Variants in SNX25 observed in about 807,000 individuals in gnomAD.
SNX25 encodes sorting nexin-25.
In SNX25, 62 loss-of-function variants were observed where a neutral mutation model predicts 113.7. That is an observed-to-expected ratio of 0.55 (90% CI 0.44 to 0.67). SNX25 has a LOEUF of 0.67. SNX25 is among the 30% of genes least tolerant of loss of function. SNX25 has a pLI of 0.00. For synonymous variants in SNX25, 421 were observed against 436.2 expected (o/e 0.97, Z 0.43); for missense variants, 1,014 against 1,161.0 (o/e 0.87, Z 1.84).
chr4:185,227,266 A>G (rs762029429), intron 1 of SNX25, among the ~76,000 whole-genome samples: 8 of 152,194 alleles, frequency 5.3e-5, no homozygotes, highest in Admixed American at 2.6e-4. Flanking sequence ...CCAGTCATTT[A>G]TCTTTCTTGT....
In SNX25 at chr4:185,210,838, C is replaced by G. The variant is rs2111466010; in HGVS notation, c.429+583C>G. On this transcript the variant is annotated intron_variant, in intron 1 of 18. Transcript: ENST00000652585. The surrounding 1 kb of genome is among the most constrained non-coding windows in gnomAD (Gnocchi z 4.4). ...CTTCTGTGATTTGGAAGGGGGATGCCAGAAATCACTGGTTTGCAACAAAAG... is the reference window on the plus strand; with the variant it reads ...CTTCTGTGATTTGGAAGGGGGATGCGAGAAATCACTGGTTTGCAACAAAAG... Among the ~76,000 whole-genome samples, 1 of 152,116 alleles carries G rather than the reference C, an allele frequency of 6.6e-6. No individual in the cohort carries two copies. The highest frequency in any genetic ancestry group is 2.1e-4 in the South Asian group (1 of 4,812).
chr4:185,292,388 GTTTA>G (rs1164870009), intron 6 of SNX25, among the ~76,000 whole-genome samples: 6 of 152,078 alleles, frequency 3.9e-5, no homozygotes, highest in African/African-American at 7.2e-5. Context: ...GAGGACAGGA[GTTTA>G]TTTGTTTGTT....
intron 6 of SNX25, among the ~76,000 whole-genome samples, chr4:185,297,587 C>T (rs963026452): frequency 6.6e-6 from 1 of 152,184 alleles, no homozygotes; most frequent in Non-Finnish European, 1.5e-5. Context: ...CACAAAATGC[C>T]ACAGACTGGG....
intron 1 of SNX25, among the ~76,000 whole-genome samples, chr4:185,214,967 A>G (rs1024600375): frequency 1.3e-5 from 2 of 152,196 alleles, no homozygotes; most frequent in Non-Finnish European, 2.9e-5. Context: ...GCGGTGTCTC[A>G]CGCCTGTAAT....
rs531965964 is a variant in SNX25 at position 185,351,641 on chromosome 4, A to G, written c.2466+32A>G. On this transcript the variant is annotated intron_variant, in intron 14 of 18. Transcript: ENST00000652585. Reference sequence around the variant, plus strand: ...CGTTGAAAGAGTGAACCACTTTTGTAGTGTATTTCAGCAGATACTAAGCTC... The same window carrying G: ...CGTTGAAAGAGTGAACCACTTTTGTGGTGTATTTCAGCAGATACTAAGCTC... 4 of 1,605,248 alleles carry G rather than the reference A, an allele frequency of 2.5e-6. No homozygotes were observed. The South Asian group carries it at 4.5e-5, about 18-fold the overall frequency.
chr4:185,312,149 A>G (rs894583216), intron 7 of SNX25, among the ~76,000 whole-genome samples: 2 of 152,096 alleles, frequency 1.3e-5, no homozygotes, highest in Admixed American at 6.6e-5. Flanking sequence ...TCTTTGTCTT[A>G]TGTCCCATTC....
chr4:185,314,209 G>A (rs994077225), intron 7 of SNX25, among the ~76,000 whole-genome samples: 2 of 151,630 alleles, frequency 1.3e-5, no homozygotes, highest in East Asian at 3.9e-4. Flanking sequence ...CTATAAATTG[G>A]CCCAGTGAGG....
At chr4:185,260,830 T>C (rs1747198969) in intron 3 of SNX25, among the ~76,000 whole-genome samples, 1 of 152,150 alleles carries the variant, frequency 6.6e-6, no homozygotes, top group Admixed American at 6.6e-5. Context: ...GAAAGTAACT[T>C]CCAGTAAGCA....
intron 2 of SNX25, among the ~76,000 whole-genome samples, chr4:185,257,861 A>G (rs1334951401): frequency 6.6e-6 from 1 of 152,228 alleles, no homozygotes; most frequent in Admixed American, 6.5e-5. Context: ...ACAGGGGCTG[A>G]GCCTAGTGTG....
chr4:185,372,938 C>T (rs150155937), downstream of SNX25: 34 of 1,613,912 alleles, frequency 2.1e-5, no homozygotes, highest in East Asian at 2.7e-4. Flanking sequence ...TAGACGTTTC[C>T]GCGTTCTGCT....
In SNX25 at chr4:185,323,563, G is replaced by C. The variant is rs1244515950; in HGVS notation, c.1512G>C (p.Gln504His). 1 of 1,611,640 alleles carries C rather than the reference G, an allele frequency of 6.2e-7. No homozygotes were observed. The highest frequency in any genetic ancestry group is 1.3e-5 in the African/African-American group (1 of 74,880). The part of the protein sequence containing the change: ...EIPQLVGEIY[Q>H]NFFVESKEIS... ...CACAATTAGTTGGTGAAATTTATCA[G>C]AATTTCTTTGTGGAGAGCAAAGAAA... Residue 504 changes from glutamine (Q) to histidine (H), a missense_variant, in exon 9 of 19, where the codon CAG (glutamine) becomes CAC (histidine). By Grantham distance (24) the Gln-to-His change is conservative. Coordinates refer to ENST00000652585, the MANE Select transcript of SNX25 (RefSeq NM_001378034.2).
intron 14 of SNX25, 121 bp from the exon 15 acceptor site, chr4:185,353,364 C>T (rs1052871764): frequency 1.4e-6 from 1 of 706,132 alleles, no homozygotes; most frequent in Admixed American, 2.5e-5. Context: ...TGCATGAAAA[C>T]TAAAGAATTA....
rs529805431 is a variant in SNX25 at position 185,363,655 on chromosome 4, T to G, written c.*190T>G. ...GCTGTGGTAGGCAACAGAAAAAAAC[T>G]TCTATTGATTTTAATTTAATATGAA... On this transcript the variant is annotated 3_prime_UTR_variant, in exon 19 of 19. Coordinates refer to ENST00000652585, the MANE Select transcript of SNX25 (RefSeq NM_001378034.2). The surrounding 1 kb of genome is among the most constrained non-coding windows in gnomAD (Gnocchi z 4.2). 2.1e-6 allele frequency: 1 copy of G among 469,902 alleles called. No individual in the cohort carries two copies. Among genetic ancestry groups the G allele is most frequent in the African/African-American group, 1.9e-5 (1 of 52,008 alleles). The allele number at this position is 469,902 out of a possible 1,614,324, so 29.1% of individuals were successfully genotyped here.
At chr4:185,319,483 G>T (rs1395999030) in intron 7 of SNX25, among the ~76,000 whole-genome samples, 26 of 149,192 alleles carry the variant, frequency 1.7e-4, no homozygotes, top group Non-Finnish European at 3.7e-4. Context: ...ACAGTCGTGA[G>T]CCACCACAGC....
chr4:185,371,635 C>G (rs1330230460), downstream of SNX25, among the ~76,000 whole-genome samples: 1 of 151,102 alleles, frequency 6.6e-6, no homozygotes, highest in Non-Finnish European at 1.5e-5. Context: ...GTGATCCAGT[C>G]AACTCCATGT....
intron 4 of SNX25, among the ~76,000 whole-genome samples, chr4:185,265,536 G>A (rs1033120466): frequency 6.7e-6 from 1 of 149,972 alleles, no homozygotes; most frequent in Non-Finnish European, 1.5e-5. Flanking sequence ...CTGAGTGAGT[G>A]GGGAGTGACT....
intron 6 of SNX25, among the ~76,000 whole-genome samples, chr4:185,306,506 G>T (rs898048309): frequency 2.0e-5 from 3 of 152,126 alleles, no homozygotes; most frequent in African/African-American, 7.2e-5. Context: ...TTTTCTTCTA[G>T]GTTTTGTCCT....
downstream of SNX25, chr4:185,366,945 T>A (rs1400581987): frequency 2.3e-6 from 1 of 427,326 alleles, no homozygotes; most frequent in Non-Finnish European, 4.2e-6. Flanking sequence ...TCTCGGCCAG[T>A]CTGTAGGGTA....
chr4:185,293,644 G>A (rs949116123), intron 6 of SNX25, among the ~76,000 whole-genome samples: 8 of 151,942 alleles, frequency 5.3e-5, no homozygotes, highest in Non-Finnish European at 7.4e-5. Context: ...TTCTAAAAAG[G>A]TATTCAGTAT....
Sources: allele counts gnomAD v4.1 joint callset (sites outside exome capture counted in the v4.1 genomes callset), GRCh38; gene constraint gnomAD v4.1.1; non-coding constraint Gnocchi (gnomAD v3.1); transcripts MANE v1.5; gene names NCBI Gene and HGNC (gene_info 2026-07-23, HGNC 2026-07-21).